The following INPP4B variants were observed in gnomAD, a reference collection of about 807,000 sequenced individuals.
INPP4B encodes inositol polyphosphate 4-phosphatase type II.
In INPP4B, 55 loss-of-function variants were observed where a neutral mutation model predicts 122.5. The observed-to-expected ratio is 0.45, with a 90% confidence interval of 0.36 to 0.56. The LOEUF (loss-of-function observed/expected upper bound fraction) is 0.56, where lower values mean the gene tolerates loss of function less well. Among genes scored for constraint, INPP4B ranks in the 20% least tolerant of loss-of-function variants. INPP4B has a pLI of 0.00. For missense variants in INPP4B, 1,000 were observed against 1,097.7 expected (o/e 0.91, Z 1.26); for synonymous variants, 403 against 388.7 (o/e 1.04, Z -0.43).
At chr4:142,055,147 TACTA>T (rs1756921364) in intron 25 of INPP4B, among the ~76,000 whole-genome samples, 1 of 152,094 alleles carries the variant, frequency 6.6e-6, no homozygotes. Flanking sequence ...TCCAAAGTAA[TACTA>T]ACTATGGAAC....
chr4:142,252,595 T>C (rs1406509702), intron 11 of INPP4B, among the ~76,000 whole-genome samples: 1 of 152,216 alleles, frequency 6.6e-6, no homozygotes, highest in Non-Finnish European at 1.5e-5. Context: ...GTACTATATG[T>C]CTCAATTTTA....
intron 7 of INPP4B, among the ~76,000 whole-genome samples, chr4:142,402,139 C>G (rs1242819306): frequency 6.6e-6 from 1 of 152,206 alleles, no homozygotes; most frequent in Admixed American, 6.5e-5. Flanking sequence ...ACCCACTGGT[C>G]CACCTGCCAT....
At chr4:142,049,858 CAATA>C (rs1753557640) in intron 25 of INPP4B, among the ~76,000 whole-genome samples, 1 of 151,886 alleles carries the variant, frequency 6.6e-6, no homozygotes, top group African/African-American at 2.4e-5. Flanking sequence ...ATGAATCTAT[CAATA>C]AGCAGAAATT....
At chr4:142,729,364 A>G (rs1292504834) in intron 1 of INPP4B, among the ~76,000 whole-genome samples, 1 of 152,188 alleles carries the variant, frequency 6.6e-6, no homozygotes, top group African/African-American at 2.4e-5. Context: ...AAACTGACTT[A>G]CAGTTTTAAC....
In INPP4B at chr4:142,184,147, G is replaced by C. The variant is rs111855434; in HGVS notation, c.1181+8940C>G. Among the ~76,000 whole-genome samples the C allele has an allele frequency of 3.0e-3, 454 of 152,180 alleles. 2 individuals are homozygous for C. The highest frequency in any genetic ancestry group is 0.01 in the African/African-American group (420 of 41,526). ...ATTCTGAACTGTCACACTATATATA[G>C]TGCCTCTTGCCTAAATATCAGATCA... is the stretch of plus-strand genomic sequence containing the variant. On this transcript the variant is annotated intron_variant, in intron 15 of 25. Coordinates refer to ENST00000262992, the MANE Select transcript of INPP4B (RefSeq NM_001101669.3).
intron 12 of INPP4B, among the ~76,000 whole-genome samples, chr4:142,218,000 C>G (rs1848008565): frequency 6.6e-6 from 1 of 151,906 alleles, no homozygotes; most frequent in Non-Finnish European, 1.5e-5. Context: ...GACTTGTCAG[C>G]TTGCATAATG....
chr4:142,618,763 A>C (rs1353917868), intron 2 of INPP4B, among the ~76,000 whole-genome samples: 2 of 152,074 alleles, frequency 1.3e-5, no homozygotes, highest in Non-Finnish European at 2.9e-5. Flanking sequence ...GCTTCTGCAG[A>C]GTAAACAATC....
chr4:142,466,994 G>C (rs1375026370), intron 2 of INPP4B, among the ~76,000 whole-genome samples: 2 of 152,184 alleles, frequency 1.3e-5, no homozygotes, highest in Non-Finnish European at 2.9e-5. Flanking sequence ...AGGAGGCTTG[G>C]CCACTCCCAC....
At chr4:142,197,126 C>CTAAAAAA in intron 14 of INPP4B, among the ~76,000 whole-genome samples, 1 of 67,236 alleles carries the variant, frequency 1.5e-5, no homozygotes, top group South Asian at 7.8e-4. Flanking sequence ...AACTCCGTCT[C>CTAAAAAA]AAAAAAAAAA....
At chr4:142,270,592 G>T in intron 10 of INPP4B, 71 bp downstream of exon 10, 1 of 1,017,630 alleles carries the variant, frequency 9.8e-7, no homozygotes, top group Non-Finnish European at 1.6e-6. Flanking sequence ...CAGAGATGTT[G>T]GTGAGACAGA....
intron 7 of INPP4B, among the ~76,000 whole-genome samples, chr4:142,332,611 T>G (rs1204901872): frequency 1.3e-5 from 2 of 152,038 alleles, no homozygotes; most frequent in Non-Finnish European, 2.9e-5. Context: ...TCATGTAAAG[T>G]TAAGAAAACT....
chr4:142,305,035 A>G (rs1348665285), intron 9 of INPP4B, among the ~76,000 whole-genome samples: 1 of 152,146 alleles, frequency 6.6e-6, no homozygotes, highest in Admixed American at 6.6e-5. Flanking sequence ...AATAGGCTGA[A>G]AAAAGAATAA....
intron 25 of INPP4B, among the ~76,000 whole-genome samples, chr4:142,074,798 C>T (rs1173037801): frequency 6.6e-6 from 1 of 151,576 alleles, no homozygotes; most frequent in East Asian, 1.9e-4. Flanking sequence ...CATTACAACA[C>T]TTAAACGTAA....
intron 2 of INPP4B, among the ~76,000 whole-genome samples, chr4:142,516,769 T>G (rs1825466632): frequency 6.6e-6 from 1 of 151,978 alleles, no homozygotes; most frequent in South Asian, 2.1e-4. Context: ...TGTTTTGTTT[T>G]TTTTTTTCCC....
chr4:142,692,344 A>AATTTTCCACCTTCTATTTGCCC (rs1760311526), intron 2 of INPP4B, among the ~76,000 whole-genome samples: 3 of 152,214 alleles, frequency 2.0e-5, no homozygotes, highest in Non-Finnish European at 4.4e-5. Flanking sequence ...AATGTTTAAT[A>AATTTTCCACCTTCTATTTGCCC]ATTTTCCACC....
At chr4:142,063,055 A>G (rs1049116840) in intron 25 of INPP4B, among the ~76,000 whole-genome samples, 3 of 152,210 alleles carry the variant, frequency 2.0e-5, no homozygotes, top group African/African-American at 7.2e-5. Flanking sequence ...AAGGATAAAG[A>G]TGCCAAAGCC....
At chr4:142,813,310 A>G (rs1371631212) in intron 1 of INPP4B, among the ~76,000 whole-genome samples, 1 of 152,158 alleles carries the variant, frequency 6.6e-6, no homozygotes, top group Non-Finnish European at 1.5e-5. Context: ...CTCCCCATTT[A>G]TTTGATAAAA....
chr4:142,195,758 T>A (rs2627830), intron 14 of INPP4B, among the ~76,000 whole-genome samples: 137,889 of 152,240 alleles, frequency 0.91, 62,729 homozygotes, highest in East Asian at 0.96. Context: ...GAATAGAGAC[T>A]GAACTCTGAA....
chr4:142,452,687 T>C (rs1009835766), intron 3 of INPP4B, among the ~76,000 whole-genome samples: 5 of 152,174 alleles, frequency 3.3e-5, no homozygotes, highest in Non-Finnish European at 5.9e-5. Context: ...GTGAGCTTTT[T>C]ACTCTGCTGT....
Sources: gnomAD v4.1 joint callset for allele counts (sites outside exome capture counted in the v4.1 genomes callset) on GRCh38, gnomAD v4.1.1 for gene constraint, MANE v1.5 for transcripts, NCBI Gene and HGNC (gene_info 2026-07-23, HGNC 2026-07-21) for gene names.